UBE4B: variants seen among roughly 807,000 people sequenced by gnomAD.
UBE4B encodes the protein ubiquitination factor E4B.
A neutral mutation model predicts 148.1 loss-of-function variants in UBE4B; 27 were observed. That is an observed-to-expected ratio of 0.18 (90% CI 0.13 to 0.25). UBE4B has a LOEUF of 0.25. UBE4B is among the 10% of genes least tolerant of loss of function. The pLI is 1.00. For synonymous variants in UBE4B, 596 were observed against 619.3 expected (o/e 0.96, Z 0.56); for missense variants, 1,170 against 1,662.4 (o/e 0.70, Z 5.15).
At chr1:10,172,096 T>G (rs1374836594) in intron 25 of UBE4B, among the ~76,000 whole-genome samples, 2 of 152,230 alleles carry the variant, frequency 1.3e-5, no homozygotes, top group African/African-American at 4.8e-5. Context: ...TTGTCCAGAT[T>G]AAAAATCTTG....
intron 2 of UBE4B, among the ~76,000 whole-genome samples, chr1:10,089,385 A>G (rs942454643): frequency 2.0e-5 from 3 of 152,160 alleles, no homozygotes; most frequent in Non-Finnish European, 4.4e-5. Context: ...GTTTATTATA[A>G]TCAGCATTGA....
chr1:10,067,181 A>G (rs1357347275), intron 1 of UBE4B, among the ~76,000 whole-genome samples: 3 of 152,076 alleles, frequency 2.0e-5, no homozygotes, highest in Non-Finnish European at 4.4e-5. Flanking sequence ...TTTTGAATCT[A>G]TTTTTAGTTC....
intron 1 of UBE4B, among the ~76,000 whole-genome samples, chr1:10,067,888 T>C (rs1644415994): frequency 6.6e-6 from 1 of 151,840 alleles, no homozygotes; most frequent in South Asian, 2.1e-4. Context: ...CCACCATGCC[T>C]GGCTAATTTT....
rs371462606 is a variant in UBE4B at position 10,149,298 on chromosome 1, A to G, written c.2690+16A>G. The G allele has an allele frequency of 6.4e-7, 1 of 1,559,542 alleles. No homozygotes were observed. The highest frequency in any genetic ancestry group is 1.4e-5 in the African/African-American group (1 of 72,566). ...TTATTGTACAGTAAGTGCCTTTAAT[A>G]TTTTACATAGTTCTAATATGTTTTT... On this transcript the variant is annotated intron_variant, in intron 20 of 27. Transcript: ENST00000343090.
chr1:10,179,757 T>TC, intron 27 of UBE4B, 138 bp from the exon 28 acceptor site: 1 of 1,347,472 alleles, frequency 7.4e-7, no homozygotes, highest in Non-Finnish European at 1.0e-6. Context: ...CCCTCTCATG[T>TC]CCCAGTCCTT....
chr1:10,079,019 G>A (rs1199182149), intron 2 of UBE4B, among the ~76,000 whole-genome samples: 1 of 151,658 alleles, frequency 6.6e-6, no homozygotes, highest in Non-Finnish European at 1.5e-5. Flanking sequence ...AAGTTTTACT[G>A]TGTTGCCTAG....
chr1:10,160,850 G>A (rs1646148435), intron 22 of UBE4B, among the ~76,000 whole-genome samples: 2 of 152,212 alleles, frequency 1.3e-5, no homozygotes, highest in Non-Finnish European at 2.9e-5. Context: ...GGCTGAGGCA[G>A]GAAGATTGCT....
At chr1:10,054,235 A>G (rs373471616) in intron 1 of UBE4B, among the ~76,000 whole-genome samples, 2 of 152,170 alleles carry the variant, frequency 1.3e-5, no homozygotes, top group African/African-American at 4.8e-5. Context: ...TTTCTAACCA[A>G]TTGAGTAATT....
At chr1:10,129,656 C>T (rs1056543445) in intron 12 of UBE4B, among the ~76,000 whole-genome samples, 1 of 151,984 alleles carries the variant, frequency 6.6e-6, no homozygotes, top group African/African-American at 2.4e-5. Context: ...TGATTTTTTT[C>T]CCTTTTTTTT....
intron 21 of UBE4B, among the ~76,000 whole-genome samples, chr1:10,153,335 A>T (rs1371856146): frequency 6.6e-6 from 1 of 151,230 alleles, no homozygotes; most frequent in Non-Finnish European, 1.5e-5. Flanking sequence ...GCGAGACCCC[A>T]TCTCTACGAA....
intron 7 of UBE4B, among the ~76,000 whole-genome samples, chr1:10,112,548 C>T (rs560859723): frequency 2.0e-5 from 3 of 152,166 alleles, no homozygotes; most frequent in African/African-American, 7.2e-5. Flanking sequence ...TACAGGCACC[C>T]GCCACCATGC....
intron 2 of UBE4B, among the ~76,000 whole-genome samples, chr1:10,081,956 C>T (rs1349635457): frequency 6.6e-6 from 1 of 152,200 alleles, no homozygotes; most frequent in East Asian, 1.9e-4. Context: ...CTCAAGTGAT[C>T]TTCCCACCTT....
chr1:10,041,138 T>G (rs1274481727), intron 1 of UBE4B, among the ~76,000 whole-genome samples: 1 of 152,064 alleles, frequency 6.6e-6, no homozygotes, highest in Non-Finnish European at 1.5e-5. Context: ...TAAACTTGCT[T>G]CACAAGGTTG....
chr1:10,166,413 A>G (rs1200649560), intron 23 of UBE4B: 1 of 152,106 alleles, frequency 6.6e-6, no homozygotes, highest in Non-Finnish European at 1.5e-5. Flanking sequence ...AAAGCTTAGT[A>G]GTCCACAGGC....
intron 16 of UBE4B, among the ~76,000 whole-genome samples, chr1:10,135,487 C>T: frequency 6.6e-6 from 1 of 151,964 alleles, no homozygotes; most frequent in East Asian, 1.9e-4. Context: ...GCCTGTAATC[C>T]CAGCACTTTG....
At chr1:10,093,413 C>T (rs567300942) in intron 2 of UBE4B, among the ~76,000 whole-genome samples, 3 of 152,104 alleles carry the variant, frequency 2.0e-5, no homozygotes, top group Non-Finnish European at 4.4e-5. Context: ...ATTCTCACTA[C>T]GGTAGATGCT....
intron 24 of UBE4B, 110 bp from the exon 25 acceptor site, chr1:10,171,026 TTC>T (rs777554698): frequency 1.1e-5 from 13 of 1,135,008 alleles, no homozygotes; most frequent in Non-Finnish European, 1.6e-5. Flanking sequence ...CCTGTAAGGA[TTC>T]TTTGAAGATT....
At position 10,103,034 on chromosome 1, in the gene UBE4B, C is replaced by G; in HGVS notation, c.522C>G (p.Asp174Glu). 6 of 1,613,408 alleles carry G rather than the reference C, an allele frequency of 3.7e-6. No homozygotes were observed. Among genetic ancestry groups the G allele is most frequent in the Non-Finnish European group, 5.1e-6 (6 of 1,179,792 alleles). ...TCCGTGTCTCTTGGAAGGACCGGGA[C>G]AGAGATGTCATCTTTCTTTCTTCTC... ...KIFRVSWKDR[D>E]RDVIFLSSLS... The change falls in exon 5 of 28, where the codon GAC (aspartate) becomes GAG (glutamate). Residue 174 changes from aspartate (D) to glutamate (E), a missense_variant. By Grantham distance (45) the Asp-to-Glu change is conservative. Coordinates refer to ENST00000343090, the MANE Select transcript of UBE4B (RefSeq NM_001105562.3).
At chr1:10,035,091 C>T (rs987952206) in intron 1 of UBE4B, among the ~76,000 whole-genome samples, 1 of 151,804 alleles carries the variant, frequency 6.6e-6, no homozygotes, top group Non-Finnish European at 1.5e-5. Flanking sequence ...CTCCGCCTCC[C>T]GGGTTCACAC....
Sources: allele counts gnomAD v4.1 joint callset (sites outside exome capture counted in the v4.1 genomes callset), GRCh38; gene constraint gnomAD v4.1.1; transcripts MANE v1.5; gene names NCBI Gene and HGNC (gene_info 2026-07-23, HGNC 2026-07-21).